Variants in ASIP observed in about 807,000 individuals in gnomAD.
The protein encoded by ASIP is agouti signaling protein, also known as agouti-signaling protein.
A neutral mutation model predicts 10.3 loss-of-function variants in ASIP; 11 were observed. The observed-to-expected ratio is 1.07, with a 90% confidence interval of 0.68 to 1.78. ASIP has a LOEUF of 1.78. ASIP is among the 40% of genes most tolerant of loss of function. The pLI is 0.00. For synonymous variants in ASIP, 70 were observed against 70.8 expected (o/e 0.99, Z 0.06); for missense variants, 180 against 169.2 (o/e 1.06, Z -0.35).
intron 1 of ASIP, among the ~76,000 whole-genome samples, chr20:34,208,285 T>C (rs185055667): frequency 6.6e-5 from 10 of 152,314 alleles, no homozygotes; most frequent in African/African-American, 2.2e-4. Context: ...TCTGGGTCTT[T>C]TGCTGTTCCA....
At chr20:34,223,517 C>T (rs1424095710) in intron 1 of ASIP, among the ~76,000 whole-genome samples, 18 of 149,748 alleles carry the variant, frequency 1.2e-4, no homozygotes, top group Non-Finnish European at 2.1e-4. Flanking sequence ...CCCCCCCGCC[C>T]GGCCAGCCGT....
chr20:34,217,124 G>A (rs2035013846), intron 1 of ASIP, among the ~76,000 whole-genome samples: 1 of 152,048 alleles, frequency 6.6e-6, no homozygotes, highest in South Asian at 2.1e-4. Flanking sequence ...CTAGAGTGGA[G>A]CCCTTCATGG....
intron 1 of ASIP, among the ~76,000 whole-genome samples, chr20:34,206,730 C>T (rs2034939546): frequency 6.6e-6 from 1 of 152,116 alleles, no homozygotes; most frequent in Admixed American, 6.5e-5. Flanking sequence ...AGGTGCAAGC[C>T]ACCACGCCTG....
At chr20:34,189,901 T>C (rs2034814947), upstream of ASIP, among the ~76,000 whole-genome samples, 1 of 152,258 alleles carries the variant, frequency 6.6e-6, no homozygotes, top group Middle Eastern at 3.4e-3. Flanking sequence ...TCTTCCCAGT[T>C]GGGAAGACCA....
At chr20:34,221,040 G>A (rs1237856238) in intron 1 of ASIP, among the ~76,000 whole-genome samples, 1 of 150,164 alleles carries the variant, frequency 6.7e-6, no homozygotes, top group East Asian at 2.0e-4. Context: ...CAGAATGTGG[G>A]ACTTGAAGAA....
At chr20:34,214,462 A>G (rs2034994405) in intron 1 of ASIP, 4 of 1,515,708 alleles carry the variant, frequency 2.6e-6, no homozygotes, top group Non-Finnish European at 3.7e-6. Context: ...TCACCTGAGA[A>G]GTGAGCACCA....
intron 1 of ASIP, among the ~76,000 whole-genome samples, chr20:34,207,934 C>A (rs898381643): frequency 6.6e-6 from 1 of 151,764 alleles, no homozygotes; most frequent in African/African-American, 2.4e-5. Flanking sequence ...GGACTACAGG[C>A]GCCCACCACC....
At chr20:34,268,898 G>C in intron 3 of ASIP, 93 bp from the exon 4 acceptor site, 1 of 1,481,138 alleles carries the variant, frequency 6.8e-7, no homozygotes, top group Non-Finnish European at 9.2e-7. Flanking sequence ...CCTCTGGTCC[G>C]GGATCTCCCT....
intron 1 of ASIP, chr20:34,246,676 T>A (rs1302802328): frequency 1.7e-5 from 8 of 480,038 alleles, no homozygotes; most frequent in Non-Finnish European, 2.7e-5. Flanking sequence ...CAGGCTGGTC[T>A]TGAACTCCTG....
At chr20:34,198,628 G>A (rs2034873860) in intron 1 of ASIP, among the ~76,000 whole-genome samples, 1 of 151,992 alleles carries the variant, frequency 6.6e-6, no homozygotes, top group African/African-American at 2.4e-5. Flanking sequence ...TAGGATTACA[G>A]GCACATACCA....
chr20:34,267,471 A>C (rs1348576624), intron 3 of ASIP, among the ~76,000 whole-genome samples: 1 of 151,490 alleles, frequency 6.6e-6, no homozygotes, highest in Non-Finnish European at 1.5e-5. Flanking sequence ...AAAAAAAAAA[A>C]AAAAAAAAAA....
Position 34,235,858 on chromosome 20 carries a change from AAGG to A in ASIP, c.-10-24505_-10-24503del, listed in dbSNP as rs2035185500. Among the ~76,000 whole-genome samples, 4 of 35,436 alleles carry A rather than the reference AAGG, an allele frequency of 1.1e-4. 1 individual carries two copies. Among genetic ancestry groups the A allele is most frequent in the Non-Finnish European group, 1.7e-4 (4 of 22,902 alleles). 23.2% of individuals were successfully genotyped at this position (35,436 alleles called of 152,430 possible). On this transcript the variant is annotated intron_variant, in intron 1 of 3. Coordinates refer to the ASIP transcript ENST00000568305. ...GAAAGAAAGAAGGAAGGAAGGAAGG[AAGG>A]AAGGAAAGGAAGGAAGGAAGGAAGG...
chr20:34,254,127 A>G (rs1182754150), intron 1 of ASIP, among the ~76,000 whole-genome samples: 1 of 152,088 alleles, frequency 6.6e-6, no homozygotes, highest in African/African-American at 2.4e-5. Flanking sequence ...CAGTGGCACA[A>G]TCTTTGCTCA....
chr20:34,234,548 C>T (rs1297330645), intron 1 of ASIP, among the ~76,000 whole-genome samples: 5 of 151,830 alleles, frequency 3.3e-5, no homozygotes, highest in Admixed American at 1.3e-4. Context: ...CTTTCTTCCT[C>T]ACTCTGTTGC....
At chr20:34,202,079 TAA>T (rs200525186) in intron 1 of ASIP, among the ~76,000 whole-genome samples, 4 of 139,490 alleles carry the variant, frequency 2.9e-5, no homozygotes, top group African/African-American at 7.8e-5. Context: ...GATAAAATTG[TAA>T]AAAAAAAAAA....
At position 34,211,990 on chromosome 20, in the gene ASIP, GTCCCA is replaced by G. The variant is rs200928184; in HGVS notation, c.-11+17232_-11+17236del. ...AATTATCTTCTCAAATATTGCTTGT[GTCCCA>G]TTTTCTCTCTCTTATCCTTCTAAGA... On this transcript the variant is annotated intron_variant, in intron 1 of 3. Transcript: ENST00000568305. Among the ~76,000 whole-genome samples the G allele has an allele frequency of 4.9e-3, 751 of 152,176 alleles. 4 individuals carry two copies. Among genetic ancestry groups the G allele is most frequent in the African/African-American group, 0.017 (704 of 41,526 alleles).
chr20:34,250,093 C>T (rs1193392780), intron 1 of ASIP: 1 of 152,266 alleles, frequency 6.6e-6, no homozygotes, highest in African/African-American at 2.4e-5. Flanking sequence ...CAGGGATGAG[C>T]TTTACCAAGA....
chr20:34,195,378 A>C (rs753103944), intron 1 of ASIP, among the ~76,000 whole-genome samples: 7 of 152,204 alleles, frequency 4.6e-5, no homozygotes, highest in Admixed American at 6.5e-5. Flanking sequence ...TCCTTTGGCC[A>C]AGTGGCTCTG....
At chr20:34,218,253 G>A (rs1468727061) in intron 1 of ASIP, among the ~76,000 whole-genome samples, 1 of 152,112 alleles carries the variant, frequency 6.6e-6, no homozygotes, top group Non-Finnish European at 1.5e-5. Flanking sequence ...TGGAGGTTTG[G>A]CTTCAGCATT....
Sources: gnomAD v4.1 joint callset for allele counts (sites outside exome capture counted in the v4.1 genomes callset) on GRCh38, gnomAD v4.1.1 for gene constraint, MANE v1.5 for transcripts, NCBI Gene and HGNC (gene_info 2026-07-23, HGNC 2026-07-21) for gene names.